Variants in ABCB1 observed in about 807,000 individuals in gnomAD.
The protein encoded by ABCB1 is ATP-dependent translocase ABCB1.
In ABCB1, 69 loss-of-function variants were observed where a neutral mutation model predicts 142.0. The observed-to-expected ratio is 0.49, with a 90% CI of 0.40 to 0.59. The LOEUF (loss-of-function observed/expected upper bound fraction) is 0.59, where lower values mean the gene tolerates loss of function less well. Ranked by LOEUF, ABCB1 falls within the 20% of genes least tolerant of loss-of-function variation. The pLI is 0.00. For missense variants in ABCB1, 1,326 were observed against 1,554.7 expected (o/e 0.85, Z 2.47); for synonymous variants, 532 against 539.2 (o/e 0.99, Z 0.18).
chr7:87,629,190 GGCTGGAGGAGGATTTGTTTT>G, intron 1 of ABCB1: 1 of 379,844 alleles, frequency 2.6e-6, no homozygotes, highest in Non-Finnish European at 4.7e-6. Context: ...CTTGGGGCGG[GGCTGGAGGAGGATTTGTTTT>G]GAATGTGCAA....
intron 7 of ABCB1, chr7:87,565,504 C>G (rs1817749058): frequency 2.2e-6 from 1 of 453,850 alleles, no homozygotes; most frequent in Non-Finnish European, 4.4e-6. Context: ...GATTTATATG[C>G]ATCCTTAGGG....
intron 1 of ABCB1, among the ~76,000 whole-genome samples, chr7:87,699,035 A>G (rs1828767491): frequency 6.6e-6 from 1 of 152,116 alleles, no homozygotes; most frequent in Non-Finnish European, 1.5e-5. Flanking sequence ...GTTTGTGGGG[A>G]GGCTAGACAT....
chr7:87,656,121 G>A (rs1585017809), intron 1 of ABCB1, among the ~76,000 whole-genome samples: 1 of 152,060 alleles, frequency 6.6e-6, no homozygotes, highest in Admixed American at 6.6e-5. Flanking sequence ...TATTGTTATA[G>A]CAATACAAAA....
At chr7:87,561,930 G>A (rs6948766) in intron 7 of ABCB1, among the ~76,000 whole-genome samples, 71,927 of 152,008 alleles carry the variant, frequency 0.47, 17,123 homozygotes, top group Admixed American at 0.5. Context: ...AGGCTGCCGT[G>A]AGCAGTGGTT....
chr7:87,650,660 T>A (rs966086320), intron 1 of ABCB1, among the ~76,000 whole-genome samples: 1 of 152,116 alleles, frequency 6.6e-6, no homozygotes, highest in Non-Finnish European at 1.5e-5. Context: ...TCTGTAAAAA[T>A]TTCCATTTAC....
chr7:87,569,270 T>A (rs1817930353), intron 5 of ABCB1, among the ~76,000 whole-genome samples: 1 of 143,806 alleles, frequency 7.0e-6, no homozygotes, highest in Admixed American at 7.3e-5. Context: ...GAATCGAAGG[T>A]CGCAGTGAGC....
chr7:87,566,167 G>A lies in ABCB1; in HGVS notation c.605C>T (p.Thr202Ile). Residue 202 changes from threonine to isoleucine, a missense_variant, in exon 7 of 28, where the codon ACT becomes ATT. By Grantham distance (89) the Thr-to-Ile change is moderately conservative. Transcript: ENST00000622132. ...ACGTGTAAATCCTACTATAAACCCA[G>A]TGAAAAATGTTGCCATTGACTGAAA... ...MFFQSMATFF[T>I]GFIVGFTRGW... is the part of the protein sequence containing the mutation. The A allele has an allele frequency of 1.2e-6, 2 of 1,614,132 alleles. No individual in the cohort carries two copies. Among genetic ancestry groups the A allele is most frequent in the Non-Finnish European group, 1.7e-6 (2 of 1,179,982 alleles).
chr7:87,511,031 C>T (rs1814982474), intron 25 of ABCB1, among the ~76,000 whole-genome samples: 1 of 152,128 alleles, frequency 6.6e-6, no homozygotes. Flanking sequence ...CAGACACTGC[C>T]TAACTAATAT....
At chr7:87,699,150 G>C (rs1249558115) in intron 1 of ABCB1, among the ~76,000 whole-genome samples, 1 of 152,088 alleles carries the variant, frequency 6.6e-6, no homozygotes, top group African/African-American at 2.4e-5. Context: ...TTGCTGACAA[G>C]AACACTTCTT....
At chr7:87,664,038 C>T (rs1286961811) in intron 1 of ABCB1, among the ~76,000 whole-genome samples, 1 of 152,136 alleles carries the variant, frequency 6.6e-6, no homozygotes, top group Non-Finnish European at 1.5e-5. Flanking sequence ...ATTTTGGAGG[C>T]ATGCAATTCA....
intron 5 of ABCB1, among the ~76,000 whole-genome samples, chr7:87,568,102 CAA>C (rs113381867): frequency 7.9e-5 from 9 of 114,586 alleles, no homozygotes; most frequent in Non-Finnish European, 1.1e-4. Flanking sequence ...GACTCCATCT[CAA>C]AAAAAAAAAA....
intron 1 of ABCB1, among the ~76,000 whole-genome samples, chr7:87,688,536 T>G (rs1827702094): frequency 1.3e-5 from 2 of 152,000 alleles, no homozygotes; most frequent in Admixed American, 1.3e-4. Context: ...AAAAAACTAT[T>G]TATTATGTGG....
chr7:87,601,271 AC>A (rs1481362577), upstream of ABCB1, among the ~76,000 whole-genome samples: 1 of 152,142 alleles, frequency 6.6e-6, no homozygotes, highest in Non-Finnish European at 1.5e-5. Flanking sequence ...ATTCTGTATC[AC>A]CTTTCTGCTT....
intron 18 of ABCB1, 104 bp from the exon 19 acceptor site, chr7:87,539,449 G>A: frequency 8.6e-7 from 1 of 1,169,264 alleles, no homozygotes; most frequent in Non-Finnish European, 1.3e-6. Context: ...AAGTCAGAAA[G>A]CCTGATTTCA....
chr7:87,642,425 G>T (rs930593403), intron 1 of ABCB1, among the ~76,000 whole-genome samples: 9 of 152,038 alleles, frequency 5.9e-5, no homozygotes, highest in African/African-American at 1.4e-4. Flanking sequence ...ATTTTCATTT[G>T]TTCTTGGATA....
chr7:87,603,689 A>C (rs955742082), upstream of ABCB1, among the ~76,000 whole-genome samples: 2 of 152,176 alleles, frequency 1.3e-5, no homozygotes, highest in African/African-American at 4.8e-5. Flanking sequence ...TAAATCATTA[A>C]ACTAAACTAA....
At chr7:87,561,656 C>G (rs951327019) in intron 7 of ABCB1, among the ~76,000 whole-genome samples, 3 of 152,134 alleles carry the variant, frequency 2.0e-5, no homozygotes, top group Non-Finnish European at 4.4e-5. Context: ...GTTATTGTAC[C>G]TAGAATGCTG....
intron 1 of ABCB1, among the ~76,000 whole-genome samples, chr7:87,638,871 G>A (rs953828347): frequency 3.3e-5 from 5 of 151,770 alleles, no homozygotes; most frequent in Admixed American, 2.0e-4. Context: ...ATCTATTGTC[G>A]GCTGGGCATG....
chr7:87,631,272 C>T (rs895827781), intron 1 of ABCB1, among the ~76,000 whole-genome samples: 3 of 152,190 alleles, frequency 2.0e-5, no homozygotes, highest in Non-Finnish European at 2.9e-5. Flanking sequence ...TAAGTATCCC[C>T]ATGACAAATT....
Sources: gnomAD v4.1 joint callset for allele counts (sites outside exome capture counted in the v4.1 genomes callset) on GRCh38, gnomAD v4.1.1 for gene constraint, MANE v1.5 for transcripts, NCBI Gene and HGNC (gene_info 2026-07-23, HGNC 2026-07-21) for gene names.